PRMT3: variants seen among roughly 807,000 people sequenced by gnomAD.
PRMT3 encodes protein arginine methyltransferase 3.
PRMT3 carries 62 observed loss-of-function variants against 71.9 expected under a neutral mutation model. The observed-to-expected ratio is 0.86, with a 90% CI of 0.70 to 1.07. The LOEUF (loss-of-function observed/expected upper bound fraction) is 1.07, where lower values mean the gene tolerates loss of function less well. Among genes scored for constraint, PRMT3 ranks in the 50% least tolerant of loss-of-function variants. PRMT3 has a pLI of 0.00. For synonymous variants in PRMT3, 213 were observed against 220.4 expected (o/e 0.97, Z 0.30); for missense variants, 663 against 643.0 (o/e 1.03, Z -0.34).
At chr11:20,489,356 C>T (rs1194490318) in intron 13 of PRMT3, among the ~76,000 whole-genome samples, 4 of 152,070 alleles carry the variant, frequency 2.6e-5, no homozygotes, top group East Asian at 1.9e-4. Context: ...AAGATATATA[C>T]GTGAGACAAA....
At chr11:20,464,668 T>C in intron 13 of PRMT3, 122 bp downstream of exon 13, 4 of 1,440,622 alleles carry the variant, frequency 2.8e-6, no homozygotes, top group Non-Finnish European at 3.7e-6. Flanking sequence ...CAGTCTACCA[T>C]TGCCTTTGCT....
At chr11:20,443,897 A>G (rs1029637074) in intron 10 of PRMT3, among the ~76,000 whole-genome samples, 11 of 152,238 alleles carry the variant, frequency 7.2e-5, no homozygotes, top group African/African-American at 2.7e-4. Flanking sequence ...TATGTTCTCC[A>G]GAAGTCCACA....
intron 8 of PRMT3, 97 bp downstream of exon 8, chr11:20,403,081 A>G (rs982751217): frequency 2.2e-6 from 2 of 895,130 alleles, no homozygotes; most frequent in Admixed American, 2.0e-5. Flanking sequence ...TTGATTTAAC[A>G]TCTTCTGTCT....
chr11:20,429,707 T>A (rs894595916), intron 10 of PRMT3, among the ~76,000 whole-genome samples: 1 of 152,350 alleles, frequency 6.6e-6, no homozygotes, highest in East Asian at 1.9e-4. Context: ...TTTCCTTGTT[T>A]TAAGTGAGTT....
intron 7 of PRMT3, among the ~76,000 whole-genome samples, chr11:20,398,854 A>C (rs897192170): frequency 1.3e-5 from 2 of 152,196 alleles, no homozygotes; most frequent in Non-Finnish European, 2.9e-5. Context: ...ATTCTCTATG[A>C]TGTTCACACA....
chr11:20,390,971 AC>A (rs1212858270), intron 3 of PRMT3, among the ~76,000 whole-genome samples: 1 of 151,678 alleles, frequency 6.6e-6, no homozygotes, highest in Non-Finnish European at 1.5e-5. Flanking sequence ...AATTACTTGA[AC>A]CCGGGAGGCG....
intron 6 of PRMT3, among the ~76,000 whole-genome samples, chr11:20,396,384 A>G (rs1385064154): frequency 3.3e-5 from 5 of 152,302 alleles, no homozygotes; most frequent in African/African-American, 1.2e-4. Context: ...CACACCTGTA[A>G]TCTCAGCACT....
chr11:20,489,611 T>C (rs989941799), intron 13 of PRMT3, among the ~76,000 whole-genome samples: 12 of 152,238 alleles, frequency 7.9e-5, no homozygotes, highest in South Asian at 6.2e-4. Flanking sequence ...TAATTGAAAA[T>C]AGTGGCATGT....
At chr11:20,506,648 T>C (rs1851597860) in intron 15 of PRMT3, among the ~76,000 whole-genome samples, 1 of 152,222 alleles carries the variant, frequency 6.6e-6, no homozygotes, top group Admixed American at 6.5e-5. Context: ...AATTTGTATT[T>C]TTTTAAATAC....
intron 5 of PRMT3, among the ~76,000 whole-genome samples, chr11:20,394,725 G>A (rs752549710): frequency 9.9e-5 from 15 of 152,228 alleles, no homozygotes; most frequent in South Asian, 2.1e-4. Context: ...CTGAAAGTGT[G>A]TACCCTTTGA....
At position 20,392,895 on chromosome 11, in the gene PRMT3, A is replaced by G; in HGVS notation, c.298-2A>G. The G allele has an allele frequency of 6.4e-7, 1 of 1,553,190 alleles. No individual in the cohort carries two copies. On this transcript the variant is annotated splice_acceptor_variant, in intron 4 of 15. Transcript: ENST00000331079. LOFTEE classifies it high-confidence loss of function. Reference sequence around the variant, plus strand: ...AAAACATGAGATTAATTTTATATCCAGAATCCTACAGTTGAGTACATGAAT... The same window carrying G: ...AAAACATGAGATTAATTTTATATCCGGAATCCTACAGTTGAGTACATGAAT...
chr11:20,420,942 T>C (rs1242672436), intron 9 of PRMT3, among the ~76,000 whole-genome samples: 2 of 152,244 alleles, frequency 1.3e-5, no homozygotes, highest in Non-Finnish European at 2.9e-5. Context: ...TATGTATGTT[T>C]ATGAATACAT....
intron 15 of PRMT3, among the ~76,000 whole-genome samples, chr11:20,506,568 G>T (rs940808805): frequency 1.3e-5 from 2 of 151,930 alleles, no homozygotes; most frequent in African/African-American, 4.8e-5. Context: ...ATAACAGGTG[G>T]TTATGTTTTA....
At chr11:20,423,517 A>G (rs2133347242) in intron 9 of PRMT3, among the ~76,000 whole-genome samples, 1 of 152,278 alleles carries the variant, frequency 6.6e-6, no homozygotes, top group Admixed American at 6.5e-5. Context: ...CAGAGATCAT[A>G]TGTCCTGCAA....
intron 13 of PRMT3, among the ~76,000 whole-genome samples, chr11:20,482,720 T>C (rs1850968533): frequency 6.6e-6 from 1 of 152,072 alleles, no homozygotes; most frequent in Admixed American, 6.6e-5. Context: ...ATTATGAATA[T>C]TGGCATTAAG....
At chr11:20,401,185 A>T (rs7480181) in intron 7 of PRMT3, among the ~76,000 whole-genome samples, 13,013 of 151,984 alleles carry the variant, frequency 0.086, 753 homozygotes, top group East Asian at 0.2. Context: ...GATTAAGGGG[A>T]AGTAGTGGTC....
At chr11:20,404,414 A>G (rs1419945615) in intron 8 of PRMT3, among the ~76,000 whole-genome samples, 1 of 151,276 alleles carries the variant, frequency 6.6e-6, no homozygotes, top group South Asian at 2.1e-4. Context: ...TTGTATTTTT[A>G]ATAGAGACGG....
At chr11:20,492,226 TG>T (rs1338198760) in intron 13 of PRMT3, among the ~76,000 whole-genome samples, 2 of 152,214 alleles carry the variant, frequency 1.3e-5, no homozygotes, top group African/African-American at 4.8e-5. Context: ...GTTACTGCTC[TG>T]GGCACTGAGA....
chr11:20,423,698 A>T (rs143174755), intron 9 of PRMT3, among the ~76,000 whole-genome samples: 1 of 151,632 alleles, frequency 6.6e-6, no homozygotes, highest in Non-Finnish European at 1.5e-5. Context: ...TGATTTTTTT[A>T]AGTATTAAAG....
Sources: allele counts gnomAD v4.1 joint callset (sites outside exome capture counted in the v4.1 genomes callset), GRCh38; gene constraint gnomAD v4.1.1; transcripts MANE v1.5; gene names NCBI Gene and HGNC (gene_info 2026-07-23, HGNC 2026-07-21).